ANK1: variants seen among roughly 807,000 people sequenced by gnomAD.
ANK1 encodes the protein ankyrin 1.
In ANK1, 51 loss-of-function variants were observed where a neutral mutation model predicts 210.4. The ratio of observed to expected loss-of-function variants is 0.24; its 90% CI spans 0.19 to 0.31. ANK1 has a LOEUF of 0.31. Among genes scored for constraint, ANK1 ranks in the 10% least tolerant of loss-of-function variants. ANK1 has a pLI of 1.00. For missense variants in ANK1, 2,051 were observed against 2,504.4 expected, an observed-to-expected ratio of 0.82 and a Z score of 3.86; for synonymous variants, 967 against 1,025.9, an observed-to-expected ratio of 0.94 and a Z score of 1.10.
intron 1 of ANK1, among the ~76,000 whole-genome samples, chr8:41,877,724 G>A (rs1212658238): frequency 6.6e-6 from 1 of 152,220 alleles, no homozygotes; most frequent in East Asian, 1.9e-4. Context: ...CCAGGCGGGG[G>A]CGAAGTGGTC....
chr8:41,882,413 T>C (rs1817746007), intron 1 of ANK1, among the ~76,000 whole-genome samples: 1 of 151,920 alleles, frequency 6.6e-6, no homozygotes, highest in Admixed American at 6.6e-5. Context: ...CCCTCTCTCC[T>C]CTCCCCAGCC....
At chr8:41,697,016 G>A (rs1181039286) in intron 24 of ANK1, among the ~76,000 whole-genome samples, 1 of 152,164 alleles carries the variant, frequency 6.6e-6, no homozygotes, top group Non-Finnish European at 1.5e-5. Context: ...GCCTTGGAAT[G>A]GGTGGAGCCA....
chr8:41,697,602 C>T (rs1299747724), intron 24 of ANK1: 14 of 335,700 alleles, frequency 4.2e-5, no homozygotes, highest in Non-Finnish European at 7.1e-5. Context: ...TGGGTTCATG[C>T]GTCCGAGTCC....
intron 11 of ANK1, 93 bp from the exon 12 acceptor site, chr8:41,717,795 G>A: frequency 8.2e-7 from 1 of 1,215,556 alleles, no homozygotes; most frequent in South Asian, 1.3e-5. Context: ...TTTCACAAAT[G>A]ATTTTCCAAG....
At chr8:41,823,103 C>T (rs1804761831) in intron 1 of ANK1, among the ~76,000 whole-genome samples, 1 of 152,184 alleles carries the variant, frequency 6.6e-6, no homozygotes, top group South Asian at 2.1e-4. Flanking sequence ...TCCTCTCATA[C>T]ACGGCGCATG....
chr8:41,744,569 C>T, intron 2 of ANK1, among the ~76,000 whole-genome samples: 1 of 140,550 alleles, frequency 7.1e-6, no homozygotes, highest in South Asian at 2.2e-4. Flanking sequence ...CAGAGTCTTG[C>T]TCTATTGCCC....
At position 41,870,777 on chromosome 8, in the gene ANK1, CTTG is replaced by C. The variant is rs201160304; in HGVS notation, c.126+25575_126+25577del. On this transcript the variant is annotated intron_variant, in intron 1 of 42. Transcript: ENST00000265709. ...GGCTTTAGCTGACCAAGGTTTTGTC[CTTG>C]TTGGAGGCACTCTGGCCATGGCACC... Among the ~76,000 whole-genome samples, 1,039 of 152,304 alleles carry C rather than the reference CTTG, an allele frequency of 6.8e-3. 10 individuals carry two copies. Among genetic ancestry groups the C allele is most frequent in the African/African-American group, 0.024 (1,003 of 41,556 alleles).
intron 23 of ANK1, among the ~76,000 whole-genome samples, chr8:41,699,182 CTGGGAGAGGATGGGAGCCTGGG>C (rs1470734092): frequency 6.6e-6 from 1 of 151,948 alleles, no homozygotes; most frequent in Non-Finnish European, 1.5e-5. Flanking sequence ...TGAGGGGAGC[CTGGGAGAGGATGGGAGCCTGGG>C]TGGGAGAGGA....
chr8:41,819,908 C>CA (rs1231734943), intron 1 of ANK1, among the ~76,000 whole-genome samples: 1 of 152,206 alleles, frequency 6.6e-6, no homozygotes, highest in Non-Finnish European at 1.5e-5. Context: ...AAACAGACAC[C>CA]AATATGGTGA....
chr8:41,855,882 T>C (rs1812096789), intron 1 of ANK1, among the ~76,000 whole-genome samples: 1 of 152,114 alleles, frequency 6.6e-6, no homozygotes, highest in Non-Finnish European at 1.5e-5. Context: ...CAATTCATCA[T>C]CTAGTGTAGG....
At chr8:41,673,804 T>C (rs967499410) in intron 37 of ANK1, among the ~76,000 whole-genome samples, 25 of 152,032 alleles carry the variant, frequency 1.6e-4, no homozygotes, top group Admixed American at 9.8e-4. Context: ...CCTCTGTGGG[T>C]GGGAGAAGAG....
intron 1 of ANK1, among the ~76,000 whole-genome samples, chr8:41,815,522 C>T (rs1370792647): frequency 6.6e-6 from 1 of 152,046 alleles, no homozygotes; most frequent in African/African-American, 2.4e-5. Context: ...CAGTTTTCCC[C>T]CATCTTTCCT....
intron 1 of ANK1, among the ~76,000 whole-genome samples, chr8:41,838,557 G>A (rs1808222924): frequency 6.6e-6 from 1 of 152,130 alleles, no homozygotes; most frequent in Non-Finnish European, 1.5e-5. Flanking sequence ...CCTGAGGTCA[G>A]GAGTTGGAGA....
chr8:41,880,758 C>A (rs1817445207), intron 1 of ANK1, among the ~76,000 whole-genome samples: 1 of 152,244 alleles, frequency 6.6e-6, no homozygotes, highest in African/African-American at 2.4e-5. Flanking sequence ...AAGGCTCAGG[C>A]TTCTGCATCC....
chr8:41,833,576 A>C (rs1052304664), intron 1 of ANK1, among the ~76,000 whole-genome samples: 14 of 152,222 alleles, frequency 9.2e-5, no homozygotes, highest in African/African-American at 2.9e-4. Context: ...GAAAAGAAAG[A>C]AAGCCGAAGA....
chr8:41,743,712 T>G (rs1835355964), intron 2 of ANK1, among the ~76,000 whole-genome samples: 1 of 152,150 alleles, frequency 6.6e-6, no homozygotes, highest in Non-Finnish European at 1.5e-5. Context: ...CCTCCTGCTG[T>G]GTGAAGGACT....
chr8:41,726,417 TCTCA>T (rs1430371431), intron 5 of ANK1, among the ~76,000 whole-genome samples: 2 of 152,150 alleles, frequency 1.3e-5, no homozygotes, highest in African/African-American at 2.4e-5. Flanking sequence ...TGAGACAGGG[TCTCA>T]CTCTGTCACT....
chr8:41,805,634 A>G (rs1219396636), intron 1 of ANK1, among the ~76,000 whole-genome samples: 1 of 152,244 alleles, frequency 6.6e-6, no homozygotes, highest in African/African-American at 2.4e-5. Context: ...AACTATGTAT[A>G]TATTAATTCA....
intron 38 of ANK1, among the ~76,000 whole-genome samples, chr8:41,670,979 C>T (rs1812072567): frequency 6.6e-6 from 1 of 152,196 alleles, no homozygotes; most frequent in Non-Finnish European, 1.5e-5. Context: ...TCTCTTTCTA[C>T]AATGGCAAGG....
Sources: allele counts gnomAD v4.1 joint callset (sites outside exome capture counted in the v4.1 genomes callset), GRCh38; gene constraint gnomAD v4.1.1; transcripts MANE v1.5; gene names NCBI Gene and HGNC (gene_info 2026-07-23, HGNC 2026-07-21).